KCNQ3: variants seen among roughly 807,000 people sequenced by gnomAD.
KCNQ3 encodes potassium voltage-gated channel subfamily KQT member 3.
In KCNQ3, 30 loss-of-function variants were observed where a neutral mutation model predicts 92.5. That is an observed-to-expected ratio of 0.32 (90% confidence interval 0.24 to 0.44). The LOEUF (loss-of-function observed/expected upper bound fraction) is 0.44. Among genes scored for constraint, KCNQ3 ranks in the 20% least tolerant of loss-of-function variants. The probability of loss-of-function intolerance (pLI) is 1.00; values close to 1 mark genes in which losing one functional copy is unlikely to be tolerated. For synonymous variants in KCNQ3, 450 were observed against 468.8 expected (o/e 0.96, Z 0.52); for missense variants, 913 against 1,140.3 (o/e 0.80, Z 2.87).
chr8:132,245,149 T>C (rs1815125735), intron 1 of KCNQ3, among the ~76,000 whole-genome samples: 1 of 152,204 alleles, frequency 6.6e-6, no homozygotes, highest in African/African-American at 2.4e-5. Context: ...CTGTGATTAC[T>C]TTCCTGTCTG....
chr8:132,206,083 A>G (rs1813646973), intron 1 of KCNQ3, among the ~76,000 whole-genome samples: 3 of 152,204 alleles, frequency 2.0e-5, no homozygotes, highest in African/African-American at 7.2e-5. Flanking sequence ...GGCTCACAGT[A>G]GATACAGGCA....
rs1356474477 is a variant in KCNQ3 at position 132,122,758 on chromosome 8, A to T, written c.*6504T>A. 1 of 152,202 alleles carries T rather than the reference A, an allele frequency of 6.6e-6. No homozygotes were observed. The highest frequency in any genetic ancestry group is 1.5e-5 in the Non-Finnish European group (1 of 68,030). 9.4% of individuals were successfully genotyped at this position (152,202 alleles called of 1,614,324 possible). A position where few individuals can be genotyped will look rare whatever the true frequency, so the allele number is the denominator to read the frequency against. The stretch of plus-strand genomic sequence containing the variant: ...GAAACATCCTACCACAGGGATTCAC[A>T]AGGACTGCTGGGGAGCCCTGCCAAA... On this transcript the variant is annotated 3_prime_UTR_variant, in exon 15 of 15. Transcript: ENST00000388996.
intron 1 of KCNQ3, among the ~76,000 whole-genome samples, chr8:132,214,483 G>A (rs767989780): frequency 9.2e-5 from 14 of 152,152 alleles, no homozygotes; most frequent in South Asian, 2.1e-4. Flanking sequence ...GGTTGGTGGC[G>A]TTATGGGGTG....
At chr8:132,153,561 G>C (rs1444284910) in intron 9 of KCNQ3, among the ~76,000 whole-genome samples, 2 of 152,186 alleles carry the variant, frequency 1.3e-5, no homozygotes, top group Admixed American at 6.5e-5. Flanking sequence ...CACAGCACAG[G>C]TAAGCATGAC....
intron 3 of KCNQ3, 24 bp downstream of exon 3, chr8:132,184,217 G>T: frequency 1.2e-6 from 2 of 1,613,966 alleles, no homozygotes; most frequent in Non-Finnish European, 1.7e-6. Flanking sequence ...TGAGGAGGCT[G>T]GGAGGCTCAG....
intron 1 of KCNQ3, among the ~76,000 whole-genome samples, chr8:132,459,124 G>A (rs1431215830): frequency 1.3e-5 from 2 of 152,120 alleles, no homozygotes; most frequent in African/African-American, 2.4e-5. Context: ...CAATTCATAT[G>A]ATTTTTCACC....
intron 1 of KCNQ3, among the ~76,000 whole-genome samples, chr8:132,426,431 T>C (rs1015081513): frequency 2.6e-5 from 4 of 152,370 alleles, no homozygotes; most frequent in Non-Finnish European, 5.9e-5. Flanking sequence ...CCCCCGCCAG[T>C]AAGCCTGCCT....
intron 8 of KCNQ3, among the ~76,000 whole-genome samples, chr8:132,169,539 C>T (rs185494234): frequency 1.2e-3 from 180 of 152,336 alleles, no homozygotes; most frequent in Middle Eastern, 0.01. Context: ...TCCTGCTGTC[C>T]TCTTCCGCAT....
rs116417229 is a variant in KCNQ3 at position 132,396,055 on chromosome 8, G to A, written c.386+84092C>T. Among the ~76,000 whole-genome samples the A allele has an allele frequency of 4.9e-3, 742 of 152,288 alleles. 5 individuals are homozygous for A. Among genetic ancestry groups the A allele is most frequent in the African/African-American group, 0.017 (692 of 41,568 alleles). ...TCCTCATCCACTAGGTGGAGCTAAC[G>A]CCAGTCTCTCTGCCTAGCACTGCAG... On this transcript the variant is annotated intron_variant, in intron 1 of 14. Coordinates refer to ENST00000388996, the MANE Select transcript of KCNQ3 (RefSeq NM_004519.4).
chr8:132,285,405 T>C (rs1048503431), intron 1 of KCNQ3, among the ~76,000 whole-genome samples: 2 of 152,238 alleles, frequency 1.3e-5, no homozygotes, highest in South Asian at 4.1e-4. Flanking sequence ...GAACTTGTTG[T>C]ATAGCCACAA....
At chr8:132,211,952 C>CA (rs200457183) in intron 1 of KCNQ3, among the ~76,000 whole-genome samples, 4,166 of 61,674 alleles carry the variant, frequency 0.068, 211 homozygotes, top group African/African-American at 0.14. Context: ...GACTCCATCT[C>CA]AAAAAAAAAA....
chr8:132,363,848 A>C (rs977092642), intron 1 of KCNQ3, among the ~76,000 whole-genome samples: 1 of 151,600 alleles, frequency 6.6e-6, no homozygotes, highest in African/African-American at 2.4e-5. Flanking sequence ...CAGCTTTGTG[A>C]CAGGAACTGG....
intron 1 of KCNQ3, among the ~76,000 whole-genome samples, chr8:132,306,234 G>A (rs569376525): frequency 2.0e-5 from 3 of 152,318 alleles, no homozygotes; most frequent in Admixed American, 6.5e-5. Context: ...GTTAGCTCCT[G>A]GAGGTTGTTC....
At chr8:132,134,058 A>G (rs1176525842) in intron 13 of KCNQ3, among the ~76,000 whole-genome samples, 1 of 152,240 alleles carries the variant, frequency 6.6e-6, no homozygotes, top group African/African-American at 2.4e-5. Context: ...ATCACTTTCA[A>G]AAGTTACAGG....
chr8:132,189,509 T>C (rs993414617), intron 1 of KCNQ3, among the ~76,000 whole-genome samples: 1 of 152,168 alleles, frequency 6.6e-6, no homozygotes, highest in African/African-American at 2.4e-5. Flanking sequence ...AACATGAGAC[T>C]GCTAAACTAC....
intron 14 of KCNQ3, 77 bp downstream of exon 14, chr8:132,132,100 GAAA>G: frequency 6.1e-6 from 6 of 977,198 alleles, no homozygotes; most frequent in South Asian, 1.4e-5. Flanking sequence ...AAAAAAAAAA[GAAA>G]GAAAGAAAAA....
chr8:132,440,117 C>A (rs1424103308), intron 1 of KCNQ3, among the ~76,000 whole-genome samples: 2 of 152,130 alleles, frequency 1.3e-5, no homozygotes. Flanking sequence ...TGAATTGTTT[C>A]TTTTTAATTT....
intron 1 of KCNQ3, among the ~76,000 whole-genome samples, chr8:132,476,326 G>A (rs1398616927): frequency 3.3e-5 from 5 of 152,202 alleles, no homozygotes; most frequent in Admixed American, 6.5e-5. Context: ...GAGGGCCACC[G>A]TCCTCCAGAC....
chr8:132,375,060 G>A (rs554236431), intron 1 of KCNQ3, among the ~76,000 whole-genome samples: 33 of 152,132 alleles, frequency 2.2e-4, no homozygotes, highest in East Asian at 1.4e-3. Context: ...GGATTGCTGG[G>A]TCAAATGGTA....
Sources: gnomAD v4.1 joint callset for allele counts (sites outside exome capture counted in the v4.1 genomes callset) on GRCh38, gnomAD v4.1.1 for gene constraint, MANE v1.5 for transcripts, NCBI Gene and HGNC (gene_info 2026-07-23, HGNC 2026-07-21) for gene names.